Variants in BANK1 observed in about 807,000 individuals in gnomAD.
The protein encoded by BANK1 is B-cell scaffold protein with ankyrin repeats.
Under a neutral mutation model 94.5 loss-of-function variants are expected in BANK1, and 95 were observed. The observed-to-expected ratio is 1.00, with a 90% confidence interval of 0.85 to 1.19. BANK1 has a LOEUF of 1.19. Ranked by LOEUF, BANK1 falls within the 50% of genes most tolerant of loss-of-function variation. The probability of loss-of-function intolerance (pLI) is 0.00; values close to 1 mark genes in which losing one functional copy is unlikely to be tolerated. For missense variants in BANK1, 987 were observed against 932.2 expected, an observed-to-expected ratio of 1.06 and a Z score of -0.77; for synonymous variants, 334 against 308.4, an observed-to-expected ratio of 1.08 and a Z score of -0.87.
chr4:101,901,373 A>C (rs1722276049), intron 6 of BANK1, among the ~76,000 whole-genome samples: 1 of 152,374 alleles, frequency 6.6e-6, no homozygotes, highest in African/African-American at 2.4e-5. Flanking sequence ...AGCTATCCAG[A>C]TAAAACGTAG....
At chr4:101,967,743 A>G (rs1342142281) in intron 7 of BANK1, among the ~76,000 whole-genome samples, 1 of 152,170 alleles carries the variant, frequency 6.6e-6, no homozygotes, top group South Asian at 2.1e-4. Flanking sequence ...TAACTTAATT[A>G]TTACTCCCAA....
chr4:102,032,868 G>A (rs1257238337), intron 10 of BANK1, among the ~76,000 whole-genome samples: 1 of 150,818 alleles, frequency 6.6e-6, no homozygotes, highest in African/African-American at 2.4e-5. Context: ...CTGAGCGACA[G>A]AGTGAGACTC....
intron 6 of BANK1, among the ~76,000 whole-genome samples, chr4:101,903,522 G>T (rs796120001): frequency 2.0e-5 from 3 of 152,296 alleles, no homozygotes; most frequent in African/African-American, 7.2e-5. Flanking sequence ...GTAGGTGAAT[G>T]CTGAGTTGAA....
chr4:101,986,181 T>C (rs1041272961), intron 7 of BANK1, among the ~76,000 whole-genome samples: 5 of 152,106 alleles, frequency 3.3e-5, no homozygotes, highest in Admixed American at 6.6e-5. Context: ...CCAATAAATG[T>C]GCATATAAAG....
intron 2 of BANK1, among the ~76,000 whole-genome samples, chr4:101,843,161 T>C (rs1376900523): frequency 6.6e-6 from 1 of 152,192 alleles, no homozygotes; most frequent in African/African-American, 2.4e-5. Context: ...CAAAAAACAG[T>C]GTCCACTTTT....
intron 7 of BANK1, among the ~76,000 whole-genome samples, chr4:101,973,399 T>G (rs1725019198): frequency 6.6e-6 from 1 of 152,068 alleles, no homozygotes; most frequent in African/African-American, 2.4e-5. Context: ...AAACTTCAGC[T>G]TATATTAAGT....
At chr4:101,986,873 A>ATGTGTGTG (rs1164357630) in intron 7 of BANK1, among the ~76,000 whole-genome samples, 7 of 46,886 alleles carry the variant, frequency 1.5e-4, no homozygotes, top group African/African-American at 6.2e-4. Flanking sequence ...ATATGTGTGT[A>ATGTGTGTG]TGTGTGTGTG....
chr4:101,986,168 G>A (rs1194256365), intron 7 of BANK1, among the ~76,000 whole-genome samples: 1 of 152,050 alleles, frequency 6.6e-6, no homozygotes, highest in African/African-American at 2.4e-5. Context: ...TGTGAGAAAG[G>A]CACCAATAAA....
chr4:101,964,099 C>A (rs1433501222), intron 7 of BANK1, among the ~76,000 whole-genome samples: 1 of 152,012 alleles, frequency 6.6e-6, no homozygotes, highest in Non-Finnish European at 1.5e-5. Context: ...AGTGCTGCTT[C>A]TTCATATGTT....
chr4:101,989,810 A>T (rs1293235919), intron 7 of BANK1, among the ~76,000 whole-genome samples: 1 of 152,190 alleles, frequency 6.6e-6, no homozygotes, highest in Admixed American at 6.5e-5. Flanking sequence ...TAAGTGCATT[A>T]TATCAAGAGA....
At chr4:101,936,927 T>C (rs182892692) in intron 7 of BANK1, among the ~76,000 whole-genome samples, 37 of 151,688 alleles carry the variant, frequency 2.4e-4, no homozygotes, top group Middle Eastern at 3.4e-3. Context: ...AAAATAGAGC[T>C]ACCATATGAT....
intron 7 of BANK1, among the ~76,000 whole-genome samples, chr4:101,949,828 A>G (rs1343168158): frequency 1.3e-5 from 2 of 152,170 alleles, no homozygotes; most frequent in Non-Finnish European, 2.9e-5. Flanking sequence ...ATTGAAATTG[A>G]GCCTAAATTT....
intron 4 of BANK1, among the ~76,000 whole-genome samples, chr4:101,866,546 G>C (rs1301101009): frequency 6.6e-6 from 1 of 151,990 alleles, no homozygotes; most frequent in African/African-American, 2.4e-5. Context: ...TATTACATTC[G>C]AACTGTAGAA....
chr4:101,913,389 T>C (rs527710273), intron 6 of BANK1, among the ~76,000 whole-genome samples: 2 of 152,288 alleles, frequency 1.3e-5, no homozygotes, highest in East Asian at 1.9e-4. Context: ...AAATGGAAAA[T>C]AAACGTATTT....
At chr4:101,854,701 G>C (rs1727615178) in intron 2 of BANK1, among the ~76,000 whole-genome samples, 1 of 151,896 alleles carries the variant, frequency 6.6e-6, no homozygotes, top group Admixed American at 6.6e-5. Context: ...AACCGTCATG[G>C]AAAACAAATG....
chr4:101,895,581 G>A (rs920054398), intron 6 of BANK1, among the ~76,000 whole-genome samples, 171 bp downstream of exon 6: 6 of 151,864 alleles, frequency 4.0e-5, no homozygotes, highest in South Asian at 2.1e-4. Flanking sequence ...CTGAATGTTC[G>A]TTTGGTAATT....
At chr4:101,838,433 C>A (rs182099713) in intron 2 of BANK1, among the ~76,000 whole-genome samples, 78 of 152,242 alleles carry the variant, frequency 5.1e-4, no homozygotes, top group African/African-American at 1.6e-3. Flanking sequence ...AAAAATCTTA[C>A]CTTTCTTTAG....
chr4:101,981,701 C>G (rs2148927662), intron 7 of BANK1, among the ~76,000 whole-genome samples: 1 of 152,088 alleles, frequency 6.6e-6, no homozygotes, highest in East Asian at 1.9e-4. Flanking sequence ...TTAAAATGTT[C>G]TGCTTTCTTC....
At chr4:101,916,736 T>C (rs1045660729) in intron 6 of BANK1, among the ~76,000 whole-genome samples, 3 of 152,056 alleles carry the variant, frequency 2.0e-5, no homozygotes, top group Non-Finnish European at 1.5e-5. Flanking sequence ...TCTCATGAAA[T>C]TACTGTTTGA....
Sources: gnomAD v4.1 joint callset for allele counts (sites outside exome capture counted in the v4.1 genomes callset) on GRCh38, gnomAD v4.1.1 for gene constraint, MANE v1.5 for transcripts, NCBI Gene and HGNC (gene_info 2026-07-23, HGNC 2026-07-21) for gene names.